Variants in PDE3B observed in about 807,000 individuals in gnomAD.
PDE3B encodes the protein cGMP-inhibited 3',5'-cyclic phosphodiesterase 3B.
A neutral mutation model predicts 116.8 loss-of-function variants in PDE3B; 66 were observed. The observed-to-expected ratio is 0.56, with a 90% CI of 0.46 to 0.69. The LOEUF (loss-of-function observed/expected upper bound fraction) is 0.69. PDE3B is among the 30% of genes least tolerant of loss of function. The pLI, the probability that PDE3B is intolerant of heterozygous loss-of-function variation, is 0.00. For synonymous variants in PDE3B, 595 were observed against 533.6 expected, an observed-to-expected ratio of 1.12 and a Z score of -1.59; for missense variants, 1,384 against 1,368.1, an observed-to-expected ratio of 1.01 and a Z score of -0.18.
At chr11:14,811,140 T>C (rs1202434946) in intron 5 of PDE3B, among the ~76,000 whole-genome samples, 2 of 152,148 alleles carry the variant, frequency 1.3e-5, no homozygotes, top group East Asian at 3.9e-4. Flanking sequence ...CTGATGGTAG[T>C]TTCTTTTGCT....
chr11:14,893,319 T>C, the PDE3B span, among the ~76,000 whole-genome samples: 2 of 152,210 alleles, frequency 1.3e-5, no homozygotes, highest in African/African-American at 4.8e-5. Flanking sequence ...GTTGGGGAGA[T>C]ACTTTAGCAG....
rs1459634029 is a variant in PDE3B at position 14,809,379 on chromosome 11, C to T, written c.1522+5329C>T. Among the ~76,000 whole-genome samples, 4 of 152,286 alleles carry T rather than the reference C, an allele frequency of 2.6e-5. 1 individual carries two copies. In the Middle Eastern group the frequency reaches 0.01, roughly 388 times the overall value. ...TTAAACAAAACGTGGCTTAACCATA[C>T]AGTAGAATATTTTTTGTCACAAAAG... On this transcript the variant is annotated intron_variant, in intron 5 of 15. Transcript: ENST00000282096.
At chr11:14,844,696 G>A (rs186183083) in intron 12 of PDE3B, among the ~76,000 whole-genome samples, 2 of 152,356 alleles carry the variant, frequency 1.3e-5, no homozygotes, top group Non-Finnish European at 2.9e-5. Flanking sequence ...CCCGCACCTG[G>A]CTCGGAGGGT....
intron 1 of PDE3B, among the ~76,000 whole-genome samples, chr11:14,710,189 T>G (rs1269731627): frequency 6.6e-6 from 1 of 152,238 alleles, no homozygotes; most frequent in Non-Finnish European, 1.5e-5. Flanking sequence ...GAGAATGGTT[T>G]GTGATATTAC....
chr11:14,861,728 G>C (rs1465585929), intron 14 of PDE3B, among the ~76,000 whole-genome samples: 2 of 152,116 alleles, frequency 1.3e-5, no homozygotes, highest in Non-Finnish European at 2.9e-5. Flanking sequence ...CCAAGTTTTA[G>C]ATCAGAAGTG....
chr11:14,680,282 G>A (rs1405880913), intron 1 of PDE3B, among the ~76,000 whole-genome samples: 1 of 152,138 alleles, frequency 6.6e-6, no homozygotes, highest in Non-Finnish European at 1.5e-5. Context: ...CAAGTGTGTT[G>A]TTGAATGGGA....
At chr11:14,769,735 C>T (rs1476122533) in intron 1 of PDE3B, among the ~76,000 whole-genome samples, 1 of 148,174 alleles carries the variant, frequency 6.7e-6, no homozygotes, top group Non-Finnish European at 1.5e-5. Context: ...CAAAGATGTA[C>T]AGTATATCTG....
Position 14,744,850 on chromosome 11 carries a change from G to A in PDE3B, c.979-27087G>A, listed in dbSNP as rs566700775. On this transcript the variant is annotated intron_variant, in intron 1 of 15. Transcript: ENST00000282096. Reference sequence around the variant, plus strand: ...TAAGGATAATTTTAATGTTTTATAGGAAACATATTTTTAATATTGACAATG... The same window carrying A: ...TAAGGATAATTTTAATGTTTTATAGAAAACATATTTTTAATATTGACAATG... Among the ~76,000 whole-genome samples, 22 of 152,248 alleles carry A rather than the reference G, an allele frequency of 1.4e-4. 1 individual carries two copies. In the South Asian group the frequency reaches 4.6e-3, roughly 32 times the overall value.
chr11:14,806,727 C>G (rs1262826712), intron 5 of PDE3B, among the ~76,000 whole-genome samples: 1 of 150,032 alleles, frequency 6.7e-6, no homozygotes, highest in African/African-American at 2.4e-5. Flanking sequence ...GGCGTAGTGG[C>G]GGGCGCCTGT....
intron 1 of PDE3B, among the ~76,000 whole-genome samples, chr11:14,686,367 C>A (rs1353898647): frequency 6.6e-6 from 1 of 152,078 alleles, no homozygotes; most frequent in African/African-American, 2.4e-5. Context: ...CTTTGTAATA[C>A]AAGTTATATA....
At chr11:14,802,927 CTTGT>C (rs764245667) in intron 4 of PDE3B, among the ~76,000 whole-genome samples, 5 of 152,100 alleles carry the variant, frequency 3.3e-5, no homozygotes, top group African/African-American at 4.8e-5. Context: ...TTAGTTACAG[CTTGT>C]TTGTTTTCTT....
chr11:14,872,857 G>GC (rs1213381257), downstream of PDE3B, among the ~76,000 whole-genome samples: 1 of 151,638 alleles, frequency 6.6e-6, no homozygotes, highest in Admixed American at 6.6e-5. Flanking sequence ...CCAATGCAGA[G>GC]CCAACTAAAT....
chr11:14,879,438 C>A, the PDE3B span: 3 of 1,599,838 alleles, frequency 1.9e-6, no homozygotes, highest in Non-Finnish European at 2.5e-6. Context: ...TCTTTCTGAA[C>A]TTGTCCTGTC....
At chr11:14,859,283 T>G in intron 13 of PDE3B, 37 bp downstream of exon 13, 1 of 1,439,630 alleles carries the variant, frequency 6.9e-7, no homozygotes. Context: ...TTAAAAAATC[T>G]TTATTGTCAG....
At chr11:14,801,705 A>C (rs1858771527) in intron 4 of PDE3B, among the ~76,000 whole-genome samples, 1 of 152,166 alleles carries the variant, frequency 6.6e-6, no homozygotes, top group Admixed American at 6.5e-5. Flanking sequence ...TTGGGCAGGG[A>C]TGGTTAAGTC....
At chr11:14,723,900 A>C (rs1255151925) in intron 1 of PDE3B, among the ~76,000 whole-genome samples, 2 of 152,228 alleles carry the variant, frequency 1.3e-5, no homozygotes, top group African/African-American at 4.8e-5. Context: ...CTGGAAAGAT[A>C]TGCATGGGCC....
Position 14,781,760 on chromosome 11 carries a change from G to A in PDE3B, c.1030-4677G>A, listed in dbSNP as rs149476316. Reference sequence around the variant, plus strand: ...CTTTGAAAAACAGCACAAGACAGGGGTGCCTCTCTCTCACCACTCCTGTTC... The same window carrying A: ...CTTTGAAAAACAGCACAAGACAGGGATGCCTCTCTCTCACCACTCCTGTTC... On this transcript the variant is annotated intron_variant, in intron 2 of 15. Coordinates refer to ENST00000282096, the MANE Select transcript of PDE3B (RefSeq NM_000922.4). Among the ~76,000 whole-genome samples, 686 of 152,222 alleles carry A rather than the reference G, an allele frequency of 4.5e-3. 3 individuals carry two copies. Among genetic ancestry groups the A allele is most frequent in the African/African-American group, 0.015 (613 of 41,534 alleles).
intron 1 of PDE3B, among the ~76,000 whole-genome samples, chr11:14,693,356 A>G (rs1237369651): frequency 6.6e-6 from 1 of 152,236 alleles, no homozygotes; most frequent in Non-Finnish European, 1.5e-5. Context: ...AACGTAGGTA[A>G]ATCAGCCTTC....
chr11:14,674,196 A>C, intron 1 of PDE3B: 4 of 1,258,896 alleles, frequency 3.2e-6, no homozygotes, highest in Non-Finnish European at 4.7e-6. Context: ...CACCATCTCC[A>C]TTTCCAGGGG....
Sources: allele counts gnomAD v4.1 joint callset (sites outside exome capture counted in the v4.1 genomes callset), GRCh38; gene constraint gnomAD v4.1.1; transcripts MANE v1.5; gene names NCBI Gene and HGNC (gene_info 2026-07-23, HGNC 2026-07-21).